Variants in AGTR1 observed in about 807,000 individuals in gnomAD.
AGTR1 encodes the protein angiotensin II receptor type 1.
AGTR1 carries 16 observed loss-of-function variants against 19.4 expected under a neutral mutation model. The observed-to-expected ratio is 0.82, with a 90% confidence interval of 0.56 to 1.25. The LOEUF is 1.25. Ranked by LOEUF, AGTR1 falls within the 50% of genes most tolerant of loss-of-function variation. The pLI is 0.00. For missense variants in AGTR1, 373 were observed against 431.9 expected, an observed-to-expected ratio of 0.86 and a Z score of 1.21; for synonymous variants, 153 against 154.9, an observed-to-expected ratio of 0.99 and a Z score of 0.09.
chr3:148,698,985 C>A (rs1339752512), intron 1 of AGTR1, among the ~76,000 whole-genome samples: 2 of 127,240 alleles, frequency 1.6e-5, no homozygotes, highest in African/African-American at 9.5e-5. Flanking sequence ...TCCTTCTGCA[C>A]CGTTTTTTTC....
At chr3:148,724,071 G>A (rs116816540) in intron 2 of AGTR1, among the ~76,000 whole-genome samples, 5,196 of 152,006 alleles carry the variant, frequency 0.034, 103 homozygotes, top group Non-Finnish European at 0.055. Context: ...ATATATATTA[G>A]TTGAAAACAT....
chr3:148,742,886 A>C lies in AGTR1; in HGVS notation c.*771A>C, dbSNP rs1212702369. The C allele has an allele frequency of 2.4e-5, 4 of 166,826 alleles. No homozygotes were observed. The highest frequency in any genetic ancestry group is 5.9e-5 in the Non-Finnish European group (4 of 68,068). The allele number at this position is 166,826 out of a possible 1,614,324, so 10.3% of individuals were successfully genotyped here. On this transcript the variant is annotated 3_prime_UTR_variant, in exon 3 of 3. Transcript: ENST00000349243. Reference sequence around the variant, plus strand: ...ATCATAAAGTATGCCTTCCTGTTTAAAAAAAGTATATATTCTACACATATA... The same window carrying C: ...ATCATAAAGTATGCCTTCCTGTTTACAAAAAGTATATATTCTACACATATA...
At chr3:148,739,351 T>A (rs1465506311) in intron 2 of AGTR1, among the ~76,000 whole-genome samples, 3 of 147,008 alleles carry the variant, frequency 2.0e-5, no homozygotes, top group Non-Finnish European at 4.4e-5. Flanking sequence ...ACAGTGACAC[T>A]CTGTCTCAGA....
chr3:148,719,805 C>A (rs572544272), intron 2 of AGTR1, among the ~76,000 whole-genome samples: 1 of 152,222 alleles, frequency 6.6e-6, no homozygotes. Context: ...TTGATGCTAA[C>A]GCTGCCCATC....
intron 1 of AGTR1, among the ~76,000 whole-genome samples, chr3:148,706,834 T>C (rs1298388878): frequency 6.6e-6 from 1 of 152,050 alleles, no homozygotes; most frequent in Non-Finnish European, 1.5e-5. Flanking sequence ...AATGATTTGA[T>C]AAAACCCAGA....
At position 148,742,032 on chromosome 3, in the gene AGTR1, A is replaced by T. The variant is rs1714939356; in HGVS notation, c.997A>T (p.Lys333Ter). The T allele has an allele frequency of 6.2e-7, 1 of 1,613,914 alleles. No individual in the cohort carries two copies. ...CAAATCCCACTCAAACCTTTCAACAAAAATGAGCACGCTTTCCTACCGCCC... is the reference window on the plus strand; with the variant it reads ...CAAATCCCACTCAAACCTTTCAACATAAATGAGCACGCTTTCCTACCGCCC... Reference protein sequence around the residue: ...KAKSHSNLSTKMSTLSYRPSD... With the variant: ...KAKSHSNLST Residue 333 changes from lysine (K) to a stop codon, truncating the protein, a stop_gained, in exon 3 of 3, where the codon AAA (lysine) becomes TAA (stop). Coordinates refer to ENST00000349243, the MANE Select transcript of AGTR1 (RefSeq NM_000685.5). LOFTEE classifies it high-confidence loss of function.
At chr3:148,732,980 TC>T (rs1308410526) in intron 2 of AGTR1, among the ~76,000 whole-genome samples, 11 of 151,812 alleles carry the variant, frequency 7.2e-5, no homozygotes, top group Admixed American at 7.2e-4. Flanking sequence ...GACCTCGTGA[TC>T]CGCCCGCCTC....
chr3:148,742,964 A>G lies in AGTR1; in HGVS notation c.*849A>G, dbSNP rs1715005011. On this transcript the variant is annotated 3_prime_UTR_variant, in exon 3 of 3. Transcript: ENST00000349243. ...TGCTGTTAATTGATTAAAATCTGGC[A>G]AAGTTATATTTACTTTAAAATAAAA... 1 of 163,832 alleles carries G rather than the reference A, an allele frequency of 6.1e-6. No homozygotes were observed. The allele number at this position is 163,832 out of a possible 1,614,324, so 10.1% of individuals were successfully genotyped here. A position where few individuals can be genotyped will look rare whatever the true frequency, so the allele number is the denominator to read the frequency against.
intron 2 of AGTR1, among the ~76,000 whole-genome samples, chr3:148,732,826 T>C (rs188017): frequency 1 from 144,807 of 144,820 alleles, 72,397 homozygotes; most frequent in Middle Eastern, 1. Flanking sequence ...CTGCAAGCTC[T>C]GCCTCCCGGG....
intron 2 of AGTR1, among the ~76,000 whole-genome samples, chr3:148,714,109 G>A (rs895551741): frequency 9.2e-5 from 14 of 152,154 alleles, no homozygotes; most frequent in Non-Finnish European, 2.1e-4. Context: ...GCTACAGTTT[G>A]CAGCAGATTC....
intron 2 of AGTR1, among the ~76,000 whole-genome samples, chr3:148,717,727 G>A (rs967338472): frequency 1.3e-5 from 2 of 152,138 alleles, no homozygotes; most frequent in Non-Finnish European, 2.9e-5. Flanking sequence ...CCAGCCATCG[G>A]CAGAAATGTA....
At chr3:148,708,853 C>T (rs1712822159) in intron 2 of AGTR1, among the ~76,000 whole-genome samples, 1 of 152,186 alleles carries the variant, frequency 6.6e-6, no homozygotes, top group Non-Finnish European at 1.5e-5. Context: ...TGAAGAGTAG[C>T]TTGTCCTATT....
At chr3:148,730,328 T>C (rs1200241655) in intron 2 of AGTR1, 2 of 395,442 alleles carry the variant, frequency 5.1e-6, no homozygotes, top group Non-Finnish European at 8.9e-6. Context: ...GCCATTGTGT[T>C]TCTTCTCAGG....
Position 148,741,139 on chromosome 3 carries a change from A to G in AGTR1, c.104A>G (p.Tyr35Cys). 1.2e-6 allele frequency: 2 copies of G among 1,614,176 alleles called. No individual in the cohort carries two copies. Among genetic ancestry groups the G allele is most frequent in the Non-Finnish European group, 1.7e-6 (2 of 1,180,032 alleles). The part of the protein sequence containing the change: ...NYIFVMIPTL[Y>C]SIIFVVGIFG... ...ATATTTGTCATGATTCCTACTTTAT[A>G]CAGTATCATCTTTGTGGTGGGAATA... The change falls in exon 3 of 3, where the codon TAC becomes TGC. Residue 35 changes from tyrosine to cysteine, a missense_variant. Coordinates refer to ENST00000349243, the MANE Select transcript of AGTR1 (RefSeq NM_000685.5).
intron 2 of AGTR1, among the ~76,000 whole-genome samples, chr3:148,726,947 T>G (rs1170715143): frequency 6.6e-6 from 1 of 152,218 alleles, no homozygotes; most frequent in Non-Finnish European, 1.5e-5. Context: ...ATTTAGCTGG[T>G]CTTTCAAACT....
chr3:148,735,361 C>G (rs904226271), intron 2 of AGTR1, among the ~76,000 whole-genome samples: 19 of 152,012 alleles, frequency 1.2e-4, no homozygotes, highest in Admixed American at 3.3e-4. Context: ...TGCTGTACCC[C>G]CAAGCTGAGG....
intron 2 of AGTR1, among the ~76,000 whole-genome samples, chr3:148,718,025 A>G (rs781134072): frequency 1.3e-5 from 2 of 152,216 alleles, no homozygotes; most frequent in Non-Finnish European, 2.9e-5. Flanking sequence ...TGATCTGCCA[A>G]ATAACACTTG....
chr3:148,732,016 T>C (rs1423878867), intron 2 of AGTR1, among the ~76,000 whole-genome samples: 4 of 152,384 alleles, frequency 2.6e-5, no homozygotes, highest in Non-Finnish European at 4.4e-5. Context: ...TCTGTGTTTT[T>C]ATCTGGGCAA....
chr3:148,702,772 G>A (rs1054733579), intron 1 of AGTR1, among the ~76,000 whole-genome samples: 1 of 152,104 alleles, frequency 6.6e-6, no homozygotes, highest in Non-Finnish European at 1.5e-5. Flanking sequence ...AATGTTCCAC[G>A]GAGTCACTTG....
Sources: allele counts gnomAD v4.1 joint callset (sites outside exome capture counted in the v4.1 genomes callset), GRCh38; gene constraint gnomAD v4.1.1; transcripts MANE v1.5; gene names NCBI Gene and HGNC (gene_info 2026-07-23, HGNC 2026-07-21).